The following GNAI1 variants were observed in gnomAD, a reference collection of about 807,000 sequenced individuals.
The protein encoded by GNAI1 is guanine nucleotide-binding protein G(i) subunit alpha-1.
GNAI1 carries 11 observed loss-of-function variants against 38.9 expected under a neutral mutation model. The ratio of observed to expected loss-of-function variants is 0.28; its 90% CI spans 0.18 to 0.47. GNAI1 has a LOEUF of 0.47. Ranked by LOEUF, GNAI1 falls within the 20% of genes least tolerant of loss-of-function variation. GNAI1 has a pLI of 0.99. For missense variants in GNAI1, 317 were observed against 436.9 expected (o/e 0.73, Z 2.45); for synonymous variants, 166 against 145.1 (o/e 1.14, Z -1.04).
In GNAI1 at chr7:80,224,540, G is replaced by C. The variant is rs1332078337; in HGVS notation, c.*7047G>C. Reference sequence around the variant, plus strand: ...TGGCATAAAGAAGTTTTTCACAAGGGTGCCACATGGTGTAGTGCAGCATGT... The same window carrying C: ...TGGCATAAAGAAGTTTTTCACAAGGCTGCCACATGGTGTAGTGCAGCATGT... On this transcript the variant is annotated 3_prime_UTR_variant, in exon 8 of 8. Coordinates refer to ENST00000649796, the MANE Select transcript of GNAI1 (RefSeq NM_002069.6). Among the ~76,000 whole-genome samples the C allele has an allele frequency of 2.6e-5, 4 of 152,190 alleles. No individual in the cohort carries two copies. Among genetic ancestry groups the C allele is most frequent in the Non-Finnish European group, 5.9e-5 (4 of 68,042 alleles).
At chr7:80,176,294 A>C (rs1371255822) in intron 1 of GNAI1, among the ~76,000 whole-genome samples, 1 of 152,232 alleles carries the variant, frequency 6.6e-6, no homozygotes, top group Non-Finnish European at 1.5e-5. Flanking sequence ...GAAGTGAGGA[A>C]GCTGCAGGTT....
Position 80,179,447 on chromosome 7 carries a change from C to G in GNAI1, c.119-9504C>G, listed in dbSNP as rs181754032. Among the ~76,000 whole-genome samples the G allele has an allele frequency of 5.3e-5, 8 of 152,182 alleles. No individual in the cohort carries two copies. The East Asian group carries it at 1.4e-3, about 26-fold the overall frequency. Reference sequence around the variant, plus strand: ...ACCACTGTTCTACGTATTTCTTTGGCTTATTAGGCAAACTTGTTTTACCTG... The same window carrying G: ...ACCACTGTTCTACGTATTTCTTTGGGTTATTAGGCAAACTTGTTTTACCTG... On this transcript the variant is annotated intron_variant, in intron 1 of 7. Transcript: ENST00000649796.
At chr7:80,185,904 A>C (rs1788378558) in intron 1 of GNAI1, among the ~76,000 whole-genome samples, 1 of 152,112 alleles carries the variant, frequency 6.6e-6, no homozygotes, top group South Asian at 2.1e-4. Context: ...AATTATGTAA[A>C]TTGCTAAGCT....
intron 1 of GNAI1, among the ~76,000 whole-genome samples, chr7:80,168,707 G>C (rs958738587): frequency 1.3e-5 from 2 of 152,248 alleles, no homozygotes; most frequent in Non-Finnish European, 1.5e-5. Flanking sequence ...GTACAGTTCA[G>C]TGGCATTAAG....
At chr7:80,195,259 A>G (rs10429156) in intron 3 of GNAI1, among the ~76,000 whole-genome samples, 10,251 of 151,914 alleles carry the variant, frequency 0.067, 1,182 homozygotes, top group African/African-American at 0.23. Context: ...AGTGAAACTC[A>G]TACTTCATGC....
chr7:80,140,331 A>G (rs150052173), intron 1 of GNAI1, among the ~76,000 whole-genome samples: 158 of 152,322 alleles, frequency 1.0e-3, no homozygotes, highest in South Asian at 8.7e-3. Flanking sequence ...TGAATGTCTC[A>G]GTGATAGGAA....
intron 2 of GNAI1, 45 bp from the exon 3 acceptor site, chr7:80,189,045 C>T: frequency 1.2e-6 from 2 of 1,600,576 alleles, no homozygotes. Flanking sequence ...TACCGTTCTA[C>T]CAAAGGAAGT....
intron 1 of GNAI1, among the ~76,000 whole-genome samples, chr7:80,184,467 G>A (rs755940253): frequency 1.3e-5 from 2 of 152,086 alleles, no homozygotes; most frequent in Non-Finnish European, 2.9e-5. Flanking sequence ...CTGGAGTTGT[G>A]CCCATACTCA....
chr7:80,184,819 A>C (rs935771997), intron 1 of GNAI1, among the ~76,000 whole-genome samples: 8 of 152,154 alleles, frequency 5.3e-5, no homozygotes, highest in African/African-American at 1.4e-4. Flanking sequence ...CTTTGGCTTT[A>C]TCGCCACTGG....
intron 4 of GNAI1, among the ~76,000 whole-genome samples, chr7:80,202,955 A>G (rs1432703005): frequency 1.3e-5 from 2 of 152,180 alleles, no homozygotes; most frequent in East Asian, 1.9e-4. Context: ...CTCGCTATCC[A>G]TGAATCCTTC....
At chr7:80,142,764 A>C (rs1172658644) in intron 1 of GNAI1, among the ~76,000 whole-genome samples, 1 of 152,196 alleles carries the variant, frequency 6.6e-6, no homozygotes, top group African/African-American at 2.4e-5. Context: ...ATGAAAACCT[A>C]CTACATTATT....
At position 80,203,819 on chromosome 7, in the gene GNAI1, G is replaced by T; in HGVS notation, c.577G>T (p.Asp193Tyr). Reference protein sequence around the residue: ...GIVETHFTFKDLHFKMFDVGG... With the variant: ...GIVETHFTFKYLHFKMFDVGG... ...TGTTGAAACCCATTTTACTTTCAAA[G>T]ATCTTCATTTTAAGTGAGTAGCTTT... is the stretch of plus-strand genomic sequence containing the variant. The change falls in exon 5 of 8, where the codon GAT becomes TAT. Residue 193 changes from aspartate to tyrosine, a missense_variant. This residue lies in a region of GNAI1 where 158 missense variants were observed against 234.7 expected (regional missense o/e 0.67). Coordinates refer to ENST00000649796, the MANE Select transcript of GNAI1 (RefSeq NM_002069.6). The T allele has an allele frequency of 6.5e-7, 1 of 1,549,602 alleles. No homozygotes were observed. The highest frequency in any genetic ancestry group is 8.9e-7 in the Non-Finnish European group (1 of 1,128,452).
chr7:80,219,027 T>TTGTGTGTGTGTGTGTGTGTGTGTG lies in GNAI1; in HGVS notation c.*1544_*1567dup, dbSNP rs57485323. 1.4e-5 allele frequency: 2 copies of TTGTGTGTGTGTGTGTGTGTGTGTG among 145,836 alleles called. No individual in the cohort carries two copies. The highest frequency in any genetic ancestry group is 4.5e-4 in the South Asian group (2 of 4,478). The allele number at this position is 145,836 out of a possible 1,614,324, so 9.0% of individuals were successfully genotyped here. On this transcript the variant is annotated 3_prime_UTR_variant, in exon 8 of 8. Transcript: ENST00000649796. ...GTGTTGTCACTGGGTTGAAGTATAT[T>TTGTGTGTGTGTGTGTGTGTGTGTG]TGTGTGTGTGTGTGTGTGTGTGTGT... is the stretch of plus-strand genomic sequence containing the variant.
At position 80,161,562 on chromosome 7, in the gene GNAI1, G is replaced by T. The variant is rs933502519; in HGVS notation, c.118+26284G>T. ...GTCATAATTGTTTGTGTCAAACAAA[G>T]AATTTCTTTAAATGTCATATATTTT... On this transcript the variant is annotated intron_variant, in intron 1 of 7. Coordinates refer to ENST00000649796, the MANE Select transcript of GNAI1 (RefSeq NM_002069.6). Among the ~76,000 whole-genome samples, 21 of 152,136 alleles carry T rather than the reference G, an allele frequency of 1.4e-4. No homozygotes were observed. The East Asian group carries it at 1.9e-3, about 14-fold the overall frequency.
intron 1 of GNAI1, among the ~76,000 whole-genome samples, chr7:80,143,523 C>T (rs545419766): frequency 6.6e-6 from 1 of 152,168 alleles, no homozygotes; most frequent in East Asian, 1.9e-4. Context: ...CTAACATTTT[C>T]CATGTCTAAG....
intron 1 of GNAI1, among the ~76,000 whole-genome samples, chr7:80,179,744 A>G (rs966687593): frequency 6.6e-6 from 1 of 152,286 alleles, no homozygotes; most frequent in Middle Eastern, 3.4e-3. Flanking sequence ...ATGCCAGAGA[A>G]TCAGCACTGG....
At position 80,218,879 on chromosome 7, in the gene GNAI1, T is replaced by C. The variant is rs1285036546; in HGVS notation, c.*1386T>C. On this transcript the variant is annotated 3_prime_UTR_variant, in exon 8 of 8. Transcript: ENST00000649796. Reference sequence around the variant, plus strand: ...AATTTTCTTTTGATTATTCATGATGTGTCATCTCTGACCTTGTTTCAGCAA... The same window carrying C: ...AATTTTCTTTTGATTATTCATGATGCGTCATCTCTGACCTTGTTTCAGCAA... 6.6e-6 allele frequency: 1 copy of C among 152,200 alleles called. No homozygotes were observed. The highest frequency in any genetic ancestry group is 1.5e-5 in the Non-Finnish European group (1 of 68,074). The allele number at this position is 152,200 out of a possible 1,614,324, so 9.4% of individuals were successfully genotyped here. A position where few individuals can be genotyped will look rare whatever the true frequency, so the allele number is the denominator to read the frequency against.
Position 80,135,086 on chromosome 7 carries a change from A to G in GNAI1, c.-75A>G. ...GGCGTTCGAACGCCCGCTAGGAGAGAGAAAGGATTCCCCTGTGCTTGGAGC... is the reference window on the plus strand; with the variant it reads ...GGCGTTCGAACGCCCGCTAGGAGAGGGAAAGGATTCCCCTGTGCTTGGAGC... On this transcript the variant is annotated 5_prime_UTR_variant, in exon 1 of 8. Coordinates refer to ENST00000649796, the MANE Select transcript of GNAI1 (RefSeq NM_002069.6). The G allele has an allele frequency of 3.0e-6, 3 of 1,003,636 alleles. No homozygotes were observed. Among genetic ancestry groups the G allele is most frequent in the Non-Finnish European group, 4.1e-6 (3 of 725,182 alleles). The allele number at this position is 1,003,636 out of a possible 1,614,324, so 62.2% of individuals were successfully genotyped here. A position where few individuals can be genotyped will look rare whatever the true frequency, so the allele number is the denominator to read the frequency against.
chr7:80,224,982 CTA>C lies in GNAI1; in HGVS notation c.*7491_*7492del, dbSNP rs1325338709. Among the ~76,000 whole-genome samples the C allele has an allele frequency of 2.0e-5, 3 of 152,128 alleles. No homozygotes were observed. The highest frequency in any genetic ancestry group is 4.8e-5 in the African/African-American group (2 of 41,436). On this transcript the variant is annotated 3_prime_UTR_variant, in exon 8 of 8. Transcript: ENST00000649796. ...GCTTTATTTTTCTTCCACAACAACT[CTA>C]TTTGCATTGCATGGAAATGTTCCCA...
Sources: gnomAD v4.1 joint callset for allele counts (sites outside exome capture counted in the v4.1 genomes callset) on GRCh38, gnomAD v4.1.1 for gene constraint, gnomAD v4.1.1 regional missense constraint, MANE v1.5 for transcripts, NCBI Gene and HGNC (gene_info 2026-07-23, HGNC 2026-07-21) for gene names.